SEMA4A: variants seen among roughly 807,000 people sequenced by gnomAD.
The protein encoded by SEMA4A is semaphorin-4A.
SEMA4A carries 52 observed loss-of-function variants against 72.5 expected under a neutral mutation model. That is an observed-to-expected ratio of 0.72 (90% CI 0.57 to 0.90). The LOEUF is 0.90. Among genes scored for constraint, SEMA4A ranks in the 40% least tolerant of loss-of-function variants. SEMA4A has a pLI of 0.00. For missense variants in SEMA4A, 926 were observed against 959.7 expected (o/e 0.96, Z 0.46); for synonymous variants, 369 against 393.1 (o/e 0.94, Z 0.73).
chr1:156,177,069 G>C lies in SEMA4A; in HGVS notation c.*72G>C. On this transcript the variant is annotated 3_prime_UTR_variant, in exon 15 of 15. Transcript: ENST00000368285. ...GGCTGGGCGGCCCAAGCACAGCCCT[G>C]ACTAGGATGACAGCAGCACAAAAGA... 7.6e-7 allele frequency: 1 copy of C among 1,310,340 alleles called. No homozygotes were observed. Among genetic ancestry groups the C allele is most frequent in the Non-Finnish European group, 1.1e-6 (1 of 922,848 alleles). The allele number at this position is 1,310,340 out of a possible 1,614,324, so 81.2% of individuals were successfully genotyped here. A position where few individuals can be genotyped will look rare whatever the true frequency, so the allele number is the denominator to read the frequency against.
intron 6 of SEMA4A, among the ~76,000 whole-genome samples, chr1:156,159,330 T>C (rs1653361223): frequency 1.3e-5 from 2 of 151,856 alleles, no homozygotes; most frequent in South Asian, 4.1e-4. Flanking sequence ...CAAGACTCTG[T>C]CTCAAAACAA....
chr1:156,162,881 G>A (rs759361076), intron 9 of SEMA4A, 63 bp from the exon 10 acceptor site: 41 of 1,603,284 alleles, frequency 2.6e-5, no homozygotes, highest in African/African-American at 5.4e-5. Context: ...GAGGGCCAGC[G>A]CTGGAGAGAG....
chr1:156,161,661 T>A (rs1380525822), intron 9 of SEMA4A, 143 bp downstream of exon 9: 1 of 791,306 alleles, frequency 1.3e-6, no homozygotes, highest in Middle Eastern at 3.7e-4. Flanking sequence ...CGTCACCACC[T>A]CTCAGGAATT....
chr1:156,172,556 T>C (rs1276682426), intron 10 of SEMA4A, among the ~76,000 whole-genome samples: 1 of 152,166 alleles, frequency 6.6e-6, no homozygotes, highest in African/African-American at 2.4e-5. Flanking sequence ...AAGCACTGTT[T>C]GAATTATTTT....
At chr1:156,156,607 G>C in intron 3 of SEMA4A, 33 bp downstream of exon 3, 2 of 1,611,976 alleles carry the variant, frequency 1.2e-6, no homozygotes, top group Non-Finnish European at 1.7e-6. Flanking sequence ...GTGTGGGCTG[G>C]GAGTGAAGAG....
rs778115135 is a variant in SEMA4A at position 156,158,796 on chromosome 1, C to T, written c.540C>T (p.Pro180=). The change falls in exon 6 of 15, where the codon CCC becomes CCT. Residue 180 remains proline, a synonymous_variant. Transcript: ENST00000368285. ...GAAAAGGCCAAAGCCCCTTTGACCC[C>T]GCTCACAAGCATACGGCTGTCTTGG... ...MEGKGQSPFD[P]AHKHTAVLVD... The T allele has an allele frequency of 2.3e-5, 37 of 1,613,862 alleles. No individual in the cohort carries two copies. The Middle Eastern group carries it at 4.9e-4, about 22-fold the overall frequency.
At chr1:156,167,655 T>C (rs1234575390) in intron 10 of SEMA4A, among the ~76,000 whole-genome samples, 1 of 152,108 alleles carries the variant, frequency 6.6e-6, no homozygotes, top group Non-Finnish European at 1.5e-5. Context: ...TGTTCAGTAG[T>C]TGGATCTAGA....
intron 13 of SEMA4A, 72 bp from the exon 14 acceptor site, chr1:156,175,484 C>T: frequency 7.7e-7 from 1 of 1,293,200 alleles, no homozygotes; most frequent in South Asian, 1.2e-5. Flanking sequence ...TACTGCACTT[C>T]CTCCCTTCCT....
chr1:156,161,254 G>A (rs1653609392), intron 8 of SEMA4A, 92 bp from the exon 9 acceptor site: 6 of 906,334 alleles, frequency 6.6e-6, no homozygotes, highest in South Asian at 1.8e-5. Flanking sequence ...GGGGACTGGG[G>A]GGACACGCCG....
rs373127284 is a variant in SEMA4A, at chr1:156,163,003, G to T, written c.1043G>T (p.Arg348Leu). 34 of 1,614,000 alleles carry T rather than the reference G, an allele frequency of 2.1e-5. No individual in the cohort carries two copies. In the African/African-American group the frequency reaches 3.5e-4, roughly 16 times the overall value. The change falls in exon 10 of 15, where the codon CGT becomes CTT. Residue 348 changes from arginine (R) to leucine (L), a missense_variant. Physicochemically the swap from Arg to Leu is moderately radical, Grantham distance 102. Transcript: ENST00000368285. Reference protein sequence around the residue: ...VCAFSLLDIERVFKGKYKELN... With the variant: ...VCAFSLLDIELVFKGKYKELN... The stretch of plus-strand genomic sequence containing the variant: ...GCCTTCTCTCTCTTGGACATTGAAC[G>T]TGTCTTTAAGGGGAAATACAAAGAG...
At chr1:156,176,067 T>C (rs1320114224) in intron 14 of SEMA4A, among the ~76,000 whole-genome samples, 2 of 152,028 alleles carry the variant, frequency 1.3e-5, no homozygotes, top group East Asian at 1.9e-4. Flanking sequence ...CCTTCTACCA[T>C]TGTTTGAGCT....
At chr1:156,160,351 T>C (rs926529593) in intron 6 of SEMA4A, 92 bp from the exon 7 acceptor site, 1 of 991,962 alleles carries the variant, frequency 1.0e-6, no homozygotes, top group African/African-American at 1.6e-5. Flanking sequence ...CCGAGACTGA[T>C]ATGGATGCCA....
rs761664496 is a variant in SEMA4A at position 156,158,760 on chromosome 1, G to T, written c.504G>T (p.Lys168Asn). Residue 168 changes from lysine (K) to asparagine (N), a missense_variant, in exon 6 of 15, where the codon AAG (lysine) becomes AAT (asparagine). By Grantham distance (94) the Lys-to-Asn change is moderately conservative. Coordinates refer to ENST00000368285, the MANE Select transcript of SEMA4A (RefSeq NM_022367.4). ...ACCTGTTGCCCATCTCGGAGGACAA[G>T]GTCATGGAGGGAAAAGGCCAAAGCC... ...DSYLLPISED[K>N]VMEGKGQSPF... 6.2e-7 allele frequency: 1 copy of T among 1,614,010 alleles called. No individual in the cohort carries two copies. Among genetic ancestry groups the T allele is most frequent in the South Asian group, 1.1e-5 (1 of 91,058 alleles).
In SEMA4A at chr1:156,156,498, C is replaced by G. The variant is rs768178231; in HGVS notation, c.224C>G (p.Thr75Ser). 5.3e-5 allele frequency: 86 copies of G among 1,614,058 alleles called. No individual in the cohort carries two copies. In the Admixed American group the frequency reaches 1.4e-3, roughly 27 times the overall value. ...DTLLLSGDGN[T>S]LYVGAREAIL... Reference sequence around the variant, plus strand: ...CTGCTCCTGAGTGGTGATGGAAATACTCTCTACGTGGGGGCTCGAGAAGCC... The same window carrying G: ...CTGCTCCTGAGTGGTGATGGAAATAGTCTCTACGTGGGGGCTCGAGAAGCC... Residue 75 changes from threonine to serine, a missense_variant, in exon 3 of 15, where the codon ACT becomes AGT. Transcript: ENST00000368285.
chr1:156,176,836 G>A lies in SEMA4A; in HGVS notation c.2125G>A (p.Ala709Thr), dbSNP rs1420663513. Residue 709 changes from alanine to threonine, a missense_variant, in exon 15 of 15, where the codon GCA becomes ACA. Ala to Thr is a moderately conservative substitution (Grantham distance 58). Coordinates refer to ENST00000368285, the MANE Select transcript of SEMA4A (RefSeq NM_022367.4). ...CATCCTCGTGGCCTCCCCATTGAGA[G>A]CACTCCGGGCTCGGGGCAAGGTTCA... ...LIILVASPLR[A>T]LRARGKVQGC... 1 of 1,614,224 alleles carries A rather than the reference G, an allele frequency of 6.2e-7. No homozygotes were observed. Among genetic ancestry groups the A allele is most frequent in the Admixed American group, 1.7e-5 (1 of 60,030 alleles).
Position 156,176,944 on chromosome 1 carries a change from T to C in SEMA4A, c.2233T>C (p.Ser745Pro). The change falls in exon 15 of 15, where the codon TCT becomes CCT. Residue 745 changes from serine (S) to proline (P), a missense_variant. By Grantham distance (74) the Ser-to-Pro change is moderately conservative. Coordinates refer to ENST00000368285, the MANE Select transcript of SEMA4A (RefSeq NM_022367.4). ...CCAGTCTCCCAAGGAATGCAGGACC[T>C]CTGCCAGTGATGTGGACGCTGACAA... ...HLQSPKECRT[S>P]ASDVDADNNC... 1 of 1,613,904 alleles carries C rather than the reference T, an allele frequency of 6.2e-7. No homozygotes were observed. The highest frequency in any genetic ancestry group is 8.5e-7 in the Non-Finnish European group (1 of 1,180,038).
upstream of SEMA4A, among the ~76,000 whole-genome samples, chr1:156,148,032 C>T (rs565032584): frequency 4.6e-5 from 7 of 152,340 alleles, no homozygotes; most frequent in South Asian, 2.1e-4. Flanking sequence ...CCCCAAAGTC[C>T]GGCTGGGTGA....
rs545138289 is a variant in SEMA4A, at chr1:156,161,353, T to C, written c.818T>C (p.Val273Ala). 1 of 1,388,320 alleles carries C rather than the reference T, an allele frequency of 7.2e-7. No homozygotes were observed. The highest frequency in any genetic ancestry group is 3.7e-5 in the East Asian group (1 of 27,238). The allele number at this position is 1,388,320 out of a possible 1,614,324, so 86.0% of individuals were successfully genotyped here. ...SRVARVCKND[V>A]GGEKLLQKKW... ...CTCCCCCTGTGCCCCCAGAATGACG[T>C]GGGCGGCGAAAAGCTGCTGCAGAAG... The change falls in exon 9 of 15, where the codon GTG (valine) becomes GCG (alanine). Residue 273 changes from valine (V) to alanine (A), a missense_variant. Coordinates refer to ENST00000368285, the MANE Select transcript of SEMA4A (RefSeq NM_022367.4).
intron 10 of SEMA4A, among the ~76,000 whole-genome samples, chr1:156,167,271 T>C (rs1013770464): frequency 6.6e-6 from 1 of 151,736 alleles, no homozygotes; most frequent in African/African-American, 2.4e-5. Context: ...GAAGGATTGT[T>C]TGAGCCCAGG....
Sources: gnomAD v4.1 joint callset for allele counts (sites outside exome capture counted in the v4.1 genomes callset) on GRCh38, gnomAD v4.1.1 for gene constraint, MANE v1.5 for transcripts, NCBI Gene and HGNC (gene_info 2026-07-23, HGNC 2026-07-21) for gene names.